Variants in PTPRD observed in about 807,000 individuals in gnomAD.
PTPRD encodes the protein receptor-type tyrosine-protein phosphatase delta.
A neutral mutation model predicts 214.5 loss-of-function variants in PTPRD; 34 were observed. The ratio of observed to expected loss-of-function variants is 0.16; its 90% confidence interval spans 0.12 to 0.21. The LOEUF is 0.21. PTPRD is among the 10% of genes least tolerant of loss of function. PTPRD has a pLI of 1.00. For missense variants in PTPRD, 2,545 were observed against 2,398.7 expected, an observed-to-expected ratio of 1.06 and a Z score of -1.27; for synonymous variants, 1,128 against 845.7, an observed-to-expected ratio of 1.33 and a Z score of -5.79.
chr9:9,183,234 T>G (rs959765928), intron 10 of PTPRD, 70 bp downstream of exon 10: 1 of 151,990 alleles, frequency 6.6e-6, no homozygotes, highest in Non-Finnish European at 1.5e-5. Context: ...AGTTGAACTA[T>G]ACATCAGTTA....
intron 7 of PTPRD, among the ~76,000 whole-genome samples, chr9:9,680,940 G>C (rs972102066): frequency 1.3e-5 from 2 of 151,772 alleles, no homozygotes; most frequent in African/African-American, 4.8e-5. Flanking sequence ...AGGCCCACAA[G>C]AATCAATCTT....
rs1223769080 is a variant in PTPRD, at chr9:8,500,755, A to G, written c.2127T>C (p.Asp709=). The G allele has an allele frequency of 1.2e-6, 2 of 1,613,834 alleles. No homozygotes were observed. The highest frequency in any genetic ancestry group is 8.5e-7 in the Non-Finnish European group (1 of 1,179,900). ...SLSVLIRTNE[D]VPSGPPRKVE... ...ACTGACGTAGCGGAGGCAACATACC[A>G]TCTTCATTGGTTCGAATCAACACGG... Residue 709 remains aspartate, a splice_region_variant and synonymous_variant, in exon 24 of 46, where the codon GAT becomes GAC. Transcript: ENST00000381196.
At chr9:9,746,865 G>A (rs1596582746) in intron 6 of PTPRD, among the ~76,000 whole-genome samples, 1 of 124,672 alleles carries the variant, frequency 8.0e-6, no homozygotes, top group Non-Finnish European at 1.7e-5. Flanking sequence ...TTTTTTAACT[G>A]TCATAAGACA....
At chr9:9,511,737 A>G (rs569363708) in intron 8 of PTPRD, among the ~76,000 whole-genome samples, 1 of 151,922 alleles carries the variant, frequency 6.6e-6, no homozygotes, top group Admixed American at 6.6e-5. Flanking sequence ...CAAAATTGCC[A>G]TAGTTTATAC....
At chr9:9,403,705 T>A (rs2141503631) in intron 8 of PTPRD, among the ~76,000 whole-genome samples, 1 of 152,216 alleles carries the variant, frequency 6.6e-6, no homozygotes, top group Non-Finnish European at 1.5e-5. Context: ...AAATTTTAAA[T>A]GTTTGTTTAT....
intron 9 of PTPRD, among the ~76,000 whole-genome samples, chr9:9,274,553 C>A (rs1292991344): frequency 6.6e-6 from 1 of 151,238 alleles, no homozygotes; most frequent in African/African-American, 2.4e-5. Context: ...ACTCTTGCCA[C>A]TACCAACTTT....
At chr9:9,179,979 G>A (rs1379928069) in intron 10 of PTPRD, among the ~76,000 whole-genome samples, 3 of 151,996 alleles carry the variant, frequency 2.0e-5, no homozygotes, top group Non-Finnish European at 2.9e-5. Flanking sequence ...ATATTTAAGG[G>A]ATGAAGGATA....
At chr9:10,335,821 C>A (rs147514143) in intron 3 of PTPRD, among the ~76,000 whole-genome samples, 12 of 151,736 alleles carry the variant, frequency 7.9e-5, no homozygotes, top group African/African-American at 2.7e-4. Flanking sequence ...TATATACACA[C>A]GGCAAATAAG....
chr9:9,350,813 G>A (rs2050805429), intron 9 of PTPRD, among the ~76,000 whole-genome samples: 1 of 152,020 alleles, frequency 6.6e-6, no homozygotes, highest in Non-Finnish European at 1.5e-5. Context: ...TAACATTCAT[G>A]TCATGTTAAA....
At chr9:10,414,486 G>A (rs746412112) in intron 2 of PTPRD, among the ~76,000 whole-genome samples, 3 of 151,856 alleles carry the variant, frequency 2.0e-5, no homozygotes, top group Non-Finnish European at 4.4e-5. Flanking sequence ...AGACACTGTT[G>A]GTGGATGTGT....
chr9:8,596,593 A>G (rs1320774516), intron 14 of PTPRD, among the ~76,000 whole-genome samples: 2 of 152,086 alleles, frequency 1.3e-5, no homozygotes, highest in African/African-American at 2.4e-5. Context: ...ACTGGTTTCA[A>G]TATTATCATT....
chr9:10,087,838 C>A (rs965063906), intron 3 of PTPRD, among the ~76,000 whole-genome samples: 2 of 151,672 alleles, frequency 1.3e-5, no homozygotes, highest in Admixed American at 6.6e-5. Flanking sequence ...ACTTCTTTAT[C>A]TAAAAGTGTA....
intron 5 of PTPRD, among the ~76,000 whole-genome samples, chr9:9,785,680 C>G (rs1006921094): frequency 6.6e-6 from 1 of 151,974 alleles, no homozygotes; most frequent in Non-Finnish European, 1.5e-5. Context: ...GGTGCTGGAA[C>G]AGAAAAAGAA....
chr9:10,277,434 T>C (rs1177987357), intron 3 of PTPRD, among the ~76,000 whole-genome samples: 1 of 152,206 alleles, frequency 6.6e-6, no homozygotes, highest in Non-Finnish European at 1.5e-5. Flanking sequence ...GCACCACTAG[T>C]TTAGTTGTGT....
intron 7 of PTPRD, among the ~76,000 whole-genome samples, chr9:9,613,367 G>C (rs1164646386): frequency 6.6e-6 from 1 of 151,878 alleles, no homozygotes; most frequent in Non-Finnish European, 1.5e-5. Flanking sequence ...TCTTGAGAAA[G>C]ACATTGGCTT....
In PTPRD at chr9:10,449,432, C is replaced by T. The variant is rs560500334; in HGVS notation, c.-599-108415G>A. On this transcript the variant is annotated intron_variant, in intron 2 of 45. Transcript: ENST00000381196. Reference sequence around the variant, plus strand: ...CGCCTGCCTTGGCCTCCCAAAGTACCAAGATGGCAGCCTCCGCCCGGCGGC... The same window carrying T: ...CGCCTGCCTTGGCCTCCCAAAGTACTAAGATGGCAGCCTCCGCCCGGCGGC... Among the ~76,000 whole-genome samples, 607 of 151,940 alleles carry T rather than the reference C, an allele frequency of 4.0e-3. 14 individuals carry two copies. Among genetic ancestry groups the T allele is most frequent in the African/African-American group, 0.014 (579 of 41,238 alleles).
intron 2 of PTPRD, among the ~76,000 whole-genome samples, chr9:10,486,531 T>A (rs1239574650): frequency 2.0e-5 from 3 of 152,190 alleles, no homozygotes; most frequent in Non-Finnish European, 4.4e-5. Flanking sequence ...TTCTGCTCCA[T>A]TGGTCTATAT....
chr9:8,710,427 G>A (rs761863525), intron 12 of PTPRD, among the ~76,000 whole-genome samples: 5 of 151,964 alleles, frequency 3.3e-5, no homozygotes, highest in African/African-American at 4.8e-5. Context: ...ACCAGCCTGG[G>A]CAACATGGCA....
At chr9:8,593,589 G>A (rs768319421) in intron 14 of PTPRD, among the ~76,000 whole-genome samples, 19 of 152,288 alleles carry the variant, frequency 1.2e-4, no homozygotes, top group Middle Eastern at 6.8e-3. Context: ...TTACCAATGT[G>A]GAGTAGACAG....
Sources: gnomAD v4.1 joint callset for allele counts (sites outside exome capture counted in the v4.1 genomes callset) on GRCh38, gnomAD v4.1.1 for gene constraint, MANE v1.5 for transcripts, NCBI Gene and HGNC (gene_info 2026-07-23, HGNC 2026-07-21) for gene names.